BRWD3: variants seen among roughly 807,000 people sequenced by gnomAD.
BRWD3 encodes bromodomain and WD repeat domain containing 3, also known as bromodomain and WD repeat-containing protein 3.
In BRWD3, 10 loss-of-function variants were observed where a neutral mutation model predicts 149.7. The observed-to-expected ratio is 0.07, with a 90% CI of 0.04 to 0.11. The LOEUF (loss-of-function observed/expected upper bound fraction) is 0.11, where lower values mean the gene tolerates loss of function less well. Ranked by LOEUF, BRWD3 falls within the 10% of genes least tolerant of loss-of-function variation. The probability of loss-of-function intolerance (pLI) is 1.00; values close to 1 mark genes in which losing one functional copy is unlikely to be tolerated. For missense variants in BRWD3, 940 were observed against 1,373.2 expected (o/e 0.68, Z 4.99); for synonymous variants, 504 against 456.7 (o/e 1.10, Z -1.32).
chrX:80,794,345 A>G (rs1012978193), intron 4 of BRWD3, among the ~76,000 whole-genome samples: 1 of 108,494 alleles, frequency 9.2e-6, no homozygotes, highest in African/African-American at 3.4e-5. Flanking sequence ...ATCTCTACAA[A>G]AAATACAAAA....
At chrX:80,755,767 T>C (rs2073729841) in intron 6 of BRWD3, among the ~76,000 whole-genome samples, 1 of 111,956 alleles carries the variant, frequency 8.9e-6, no homozygotes, top group Non-Finnish European at 1.9e-5. Flanking sequence ...TATTAAATTA[T>C]GGAATATTTG....
intron 6 of BRWD3, among the ~76,000 whole-genome samples, chrX:80,756,489 C>T (rs767057120): frequency 1.4e-4 from 7 of 50,945 alleles, no homozygotes; most frequent in Admixed American, 4.0e-4. Context: ...GCAACAAGAG[C>T]GAAACTCTGT....
intron 5 of BRWD3, 140 bp downstream of exon 5, chrX:80,793,482 C>A: frequency 1.5e-6 from 1 of 648,195 alleles, no homozygotes; most frequent in Non-Finnish European, 2.3e-6. Flanking sequence ...TTTACTTGTA[C>A]ACTAAGAAAA....
chrX:80,692,960 A>G lies in BRWD3; in HGVS notation c.3243T>C (p.Ser1081=), dbSNP rs2072632602. 1 of 1,208,856 alleles carries G rather than the reference A, an allele frequency of 8.3e-7. No homozygotes were observed. Among genetic ancestry groups the G allele is most frequent in the African/African-American group, 1.7e-5 (1 of 57,827 alleles). Residue 1081 remains serine (S), a synonymous_variant, in exon 28 of 41, where the codon TCT becomes TCC. Coordinates refer to ENST00000373275, the MANE Select transcript of BRWD3 (RefSeq NM_153252.5). ...QPFQPEYPDS[S]FQCYSVHWDN... ...CTTACTGAACACTGTAACACTGGAA[A>G]GAACTATCAGGATACTCTGGTTGAA...
chrX:80,773,443 G>A (rs958933152), intron 6 of BRWD3, among the ~76,000 whole-genome samples: 11 of 111,246 alleles, frequency 9.9e-5, no homozygotes, highest in African/African-American at 2.9e-4. Context: ...TCTCAATCAC[G>A]TCAGCTAAAC....
At chrX:80,696,041 A>G in intron 26 of BRWD3, 51 bp from the exon 27 acceptor site, 2 of 999,029 alleles carry the variant, frequency 2.0e-6, no homozygotes, top group Non-Finnish European at 2.8e-6. Flanking sequence ...ATAACAATAT[A>G]TGTTACTAAA....
chrX:80,726,590 A>G (rs1177201081), intron 14 of BRWD3, among the ~76,000 whole-genome samples: 1 of 110,417 alleles, frequency 9.1e-6, no homozygotes, highest in East Asian at 2.8e-4. Flanking sequence ...CACATTATAC[A>G]TCAGGAGCGT....
At chrX:80,798,419 T>C (rs1052929176) in intron 4 of BRWD3, among the ~76,000 whole-genome samples, 5 of 110,834 alleles carry the variant, frequency 4.5e-5, no homozygotes. Context: ...TTTAAATAAA[T>C]CTATATTGTT....
intron 6 of BRWD3, among the ~76,000 whole-genome samples, chrX:80,781,120 A>G (rs2074052071): frequency 8.9e-6 from 1 of 112,107 alleles, no homozygotes; most frequent in Non-Finnish European, 1.9e-5. Context: ...AAATTACAGG[A>G]TATTGCTATA....
In BRWD3 at chrX:80,674,293, GAAAT is replaced by G. The variant is rs998225807; in HGVS notation, c.*2312_*2315del. 1 of 111,216 alleles carries G rather than the reference GAAAT, an allele frequency of 9.0e-6. No homozygotes were observed. Among genetic ancestry groups the G allele is most frequent in the African/African-American group, 3.3e-5 (1 of 30,696 alleles). The allele number at this position is 111,216 out of a possible 1,213,427, so 9.2% of individuals were successfully genotyped here. ...AATTCTAGAAAATCTTGACATTTGG[GAAAT>G]AAATGTGGCATTTTTATTTTTCAAA... On this transcript the variant is annotated 3_prime_UTR_variant, in exon 41 of 41. Transcript: ENST00000373275.
intron 6 of BRWD3, among the ~76,000 whole-genome samples, chrX:80,775,219 C>T (rs1020745065): frequency 3.6e-5 from 4 of 111,636 alleles, no homozygotes; most frequent in Admixed American, 1.9e-4. Flanking sequence ...AAAACATTTA[C>T]TATCTGGCCC....
At chrX:80,784,481 C>T (rs2074088787) in intron 6 of BRWD3, among the ~76,000 whole-genome samples, 1 of 110,898 alleles carries the variant, frequency 9.0e-6, no homozygotes, top group African/African-American at 3.3e-5. Context: ...TGCACTTAAC[C>T]CGTCACCTAG....
intron 8 of BRWD3, among the ~76,000 whole-genome samples, chrX:80,741,556 T>G (rs1324542414): frequency 9.0e-6 from 1 of 111,588 alleles, no homozygotes; most frequent in Non-Finnish European, 1.9e-5. Flanking sequence ...TTTCTCCATA[T>G]CCTCTCCAGC....
chrX:80,796,572 T>G (rs770783411), intron 4 of BRWD3, among the ~76,000 whole-genome samples: 1 of 111,871 alleles, frequency 8.9e-6, no homozygotes, highest in South Asian at 3.7e-4. Flanking sequence ...GTGAATCACC[T>G]GTGATTATTT....
At chrX:80,769,088 AAAGC>A (rs1265109477) in intron 6 of BRWD3, among the ~76,000 whole-genome samples, 1 of 111,356 alleles carries the variant, frequency 9.0e-6, no homozygotes, top group Non-Finnish European at 1.9e-5. Context: ...CCAGATTCAT[AAAGC>A]AAGTCCTTAG....
intron 39 of BRWD3, 96 bp downstream of exon 39, chrX:80,681,901 T>C (rs2072452856): frequency 2.6e-6 from 2 of 770,257 alleles, no homozygotes; most frequent in Non-Finnish European, 4.0e-6. Flanking sequence ...TCTAAATCCA[T>C]TGTTCTTTGC....
At chrX:80,710,684 G>A (rs1304979991) in intron 20 of BRWD3, 2 of 820,647 alleles carry the variant, frequency 2.4e-6, no homozygotes, top group Non-Finnish European at 3.6e-6. Context: ...CAGCAGAAAA[G>A]GCTGATGAAC....
intron 6 of BRWD3, among the ~76,000 whole-genome samples, chrX:80,784,730 T>C (rs771588941): frequency 2.7e-5 from 3 of 112,447 alleles, no homozygotes; most frequent in Non-Finnish European, 5.6e-5. Flanking sequence ...ATTCCTTTTA[T>C]ATGGCTGCAT....
chrX:80,798,936 T>C (rs919661700), intron 4 of BRWD3, among the ~76,000 whole-genome samples: 2 of 112,141 alleles, frequency 1.8e-5, no homozygotes, highest in Non-Finnish European at 3.8e-5. Context: ...CCTTGTCCAA[T>C]TGTTACAATG....
Sources: gnomAD v4.1 joint callset for allele counts (sites outside exome capture counted in the v4.1 genomes callset) on GRCh38, gnomAD v4.1.1 for gene constraint, MANE v1.5 for transcripts, NCBI Gene and HGNC (gene_info 2026-07-23, HGNC 2026-07-21) for gene names.